Variants in AARD observed in about 807,000 individuals in gnomAD.
The protein encoded by AARD is alanine- and arginine-rich domain-containing protein.
AARD carries 9 observed loss-of-function variants against 9.3 expected under a neutral mutation model. The ratio of observed to expected loss-of-function variants is 0.97; its 90% CI spans 0.58 to 1.69. AARD has a LOEUF of 1.69. AARD is among the 40% of genes most tolerant of loss of function. The pLI, the probability that AARD is intolerant of heterozygous loss-of-function variation, is 0.00. For synonymous variants in AARD, 91 were observed against 93.8 expected (o/e 0.97, Z 0.17); for missense variants, 236 against 210.3 (o/e 1.12, Z -0.76).
At chr8:116,940,511 A>G (rs9918796) in intron 1 of AARD, among the ~76,000 whole-genome samples, 64,489 of 152,004 alleles carry the variant, frequency 0.42, 15,445 homozygotes, top group African/African-American at 0.64. Flanking sequence ...CTGGTCATAA[A>G]GAAGAGGCAA....
rs1686496180 is a variant in AARD at position 116,944,451 on chromosome 8, TA to T, written c.*1755del. 6.6e-6 allele frequency: 1 copy of T among 152,060 alleles called. No homozygotes were observed. The highest frequency in any genetic ancestry group is 1.5e-5 in the Non-Finnish European group (1 of 68,012). The allele number at this position is 152,060 out of a possible 1,614,324, so 9.4% of individuals were successfully genotyped here. On this transcript the variant is annotated 3_prime_UTR_variant, in exon 2 of 2. Transcript: ENST00000378279. ...TGGCCTCGAAAAAATAAATAAATAA[TA>T]AAAATAAAATAAATGCAAGTTGTTT...
At chr8:116,939,354 C>T (rs1181901152) in intron 1 of AARD, among the ~76,000 whole-genome samples, 2 of 152,102 alleles carry the variant, frequency 1.3e-5, no homozygotes, top group African/African-American at 4.8e-5. Context: ...AGTATTAGGC[C>T]GGAGCTGTGG....
At chr8:116,942,365 C>G (rs889615023) in intron 1 of AARD, among the ~76,000 whole-genome samples, 193 bp from the exon 2 acceptor site, 6 of 152,070 alleles carry the variant, frequency 3.9e-5, no homozygotes, top group Non-Finnish European at 2.9e-5. Flanking sequence ...TGGATTTTAC[C>G]TTGTCATATA....
intron 1 of AARD, chr8:116,938,828 G>C: frequency 2.1e-6 from 1 of 485,196 alleles, no homozygotes; most frequent in Non-Finnish European, 3.5e-6. Flanking sequence ...CGTTTCTATA[G>C]TTTTCTGCCC....
At chr8:116,941,763 G>A (rs903155428) in intron 1 of AARD, among the ~76,000 whole-genome samples, 3 of 152,150 alleles carry the variant, frequency 2.0e-5, no homozygotes, top group Middle Eastern at 3.2e-3. Flanking sequence ...GGTTTCTATT[G>A]ACAAGCTGAT....
In AARD at chr8:116,938,496, G is replaced by T; in HGVS notation, c.253G>T (p.Ala85Ser). Residue 85 changes from alanine (A) to serine (S), a missense_variant, in exon 1 of 2, where the codon GCG becomes TCG. Ala to Ser is a moderately conservative substitution (Grantham distance 99, BLOSUM62 1). Coordinates refer to ENST00000378279, the MANE Select transcript of AARD (RefSeq NM_001025357.3). The part of the protein sequence containing the change: ...ISRRVQEAAA[A>S]AAAREEQSWT... ...GAGGCGCGTGCAGGAGGCGGCGGCG[G>T]CGGCGGCGGCGCGGGAGGAGCAGAG... 1 of 1,538,378 alleles carries T rather than the reference G, an allele frequency of 6.5e-7. No homozygotes were observed. The highest frequency in any genetic ancestry group is 1.2e-5 in the South Asian group (1 of 82,504).
At chr8:116,939,720 A>G (rs931684298) in intron 1 of AARD, among the ~76,000 whole-genome samples, 4 of 152,362 alleles carry the variant, frequency 2.6e-5, no homozygotes, top group South Asian at 2.1e-4. Context: ...CAGATTTACT[A>G]TCTTATCCAA....
intron 1 of AARD, 123 bp downstream of exon 1, chr8:116,938,690 C>A: frequency 1.6e-6 from 2 of 1,242,112 alleles, no homozygotes; most frequent in Non-Finnish European, 2.1e-6. Context: ...GGTCTGGACA[C>A]GGCGTTGACG....
intron 1 of AARD, 189 bp downstream of exon 1, chr8:116,938,756 G>C (rs1296724064): frequency 4.8e-6 from 4 of 831,982 alleles, no homozygotes; most frequent in Non-Finnish European, 6.8e-6. Context: ...ACCCATGGTG[G>C]GGGGTGGGGG....
At chr8:116,940,212 G>T (rs1813728751) in intron 1 of AARD, among the ~76,000 whole-genome samples, 1 of 152,192 alleles carries the variant, frequency 6.6e-6, no homozygotes, top group Non-Finnish European at 1.5e-5. Context: ...TAGCCAGTTT[G>T]AGTTTGTTTA....
intron 1 of AARD, among the ~76,000 whole-genome samples, chr8:116,940,172 T>C (rs559894862): frequency 6.6e-6 from 1 of 152,206 alleles, no homozygotes; most frequent in South Asian, 2.1e-4. Context: ...TGCTAACACT[T>C]GTTGGCCTTA....
chr8:116,938,527 C>A lies in AARD; in HGVS notation c.284C>A (p.Thr95Lys). ...AAAAREEQSWTGVEATLARLR... is the reference protein window; with the variant it reads ...AAAAREEQSWKGVEATLARLR... ...GCGGCGCGGGAGGAGCAGAGCTGGACGGGCGTTGAGGCCACCCTGGCCAGG... is the reference window on the plus strand; with the variant it reads ...GCGGCGCGGGAGGAGCAGAGCTGGAAGGGCGTTGAGGCCACCCTGGCCAGG... Residue 95 changes from threonine (T) to lysine (K), a missense_variant, in exon 1 of 2, where the codon ACG becomes AAG. Physicochemically the swap from Thr to Lys is moderately conservative, Grantham distance 78. Coordinates refer to ENST00000378279, the MANE Select transcript of AARD (RefSeq NM_001025357.3). 1.3e-6 allele frequency: 2 copies of A among 1,488,920 alleles called. No individual in the cohort carries two copies. The highest frequency in any genetic ancestry group is 1.8e-6 in the Non-Finnish European group (2 of 1,128,636). The allele number at this position is 1,488,920 out of a possible 1,614,324, so 92.2% of individuals were successfully genotyped here.
At chr8:116,940,813 GA>G (rs1233017658) in intron 1 of AARD, among the ~76,000 whole-genome samples, 2 of 152,080 alleles carry the variant, frequency 1.3e-5, no homozygotes, top group African/African-American at 4.8e-5. Flanking sequence ...ATTGTATGCA[GA>G]ATTTTTGATG....
chr8:116,938,344 G>A lies in AARD; in HGVS notation c.101G>A (p.Cys34Tyr). ...AELWFPPRPA[C>Y]DFFGDGRSTD... is the part of the protein sequence containing the mutation. ...CTTTGGTTCCCACCTCGTCCCGCGT[G>A]CGACTTCTTCGGGGACGGCAGGAGC... The change falls in exon 1 of 2, where the codon TGC becomes TAC. Residue 34 changes from cysteine (C) to tyrosine (Y), a missense_variant. Cys to Tyr is a radical substitution (Grantham distance 194). Transcript: ENST00000378279. The A allele has an allele frequency of 6.2e-7, 1 of 1,613,044 alleles. No individual in the cohort carries two copies. The highest frequency in any genetic ancestry group is 2.2e-5 in the East Asian group (1 of 44,838).
intron 1 of AARD, among the ~76,000 whole-genome samples, chr8:116,939,308 T>G (rs1352959040): frequency 6.6e-6 from 1 of 152,236 alleles, no homozygotes; most frequent in Non-Finnish European, 1.5e-5. Flanking sequence ...TTGTCTTATT[T>G]AAGAATGTTA....
At position 116,943,737 on chromosome 8, in the gene AARD, G is replaced by T. The variant is rs573168905; in HGVS notation, c.*1036G>T. The T allele has an allele frequency of 2.0e-5, 3 of 152,160 alleles. No individual in the cohort carries two copies. The highest frequency in any genetic ancestry group is 4.4e-5 in the Non-Finnish European group (3 of 68,010). The allele number at this position is 152,160 out of a possible 1,614,324, so 9.4% of individuals were successfully genotyped here. ...GGGTGCTTCGCTTCCTTGTTCCTGG[G>T]GTCAAGCTGTATAAGACTCCAGGCC... On this transcript the variant is annotated 3_prime_UTR_variant, in exon 2 of 2. Transcript: ENST00000378279.
At position 116,942,723 on chromosome 8, in the gene AARD, G is replaced by C. The variant is rs1230658302; in HGVS notation, c.*22G>C. The C allele has an allele frequency of 6.2e-7, 1 of 1,607,570 alleles. No individual in the cohort carries two copies. Among genetic ancestry groups the C allele is most frequent in the African/African-American group, 1.3e-5 (1 of 74,864 alleles). ...ATAAAGAAATGCACACGCAAGGGCTGGGCGCGGTGGCTCACGCCTGTAATC... is the reference window on the plus strand; with the variant it reads ...ATAAAGAAATGCACACGCAAGGGCTCGGCGCGGTGGCTCACGCCTGTAATC... On this transcript the variant is annotated 3_prime_UTR_variant, in exon 2 of 2. Coordinates refer to ENST00000378279, the MANE Select transcript of AARD (RefSeq NM_001025357.3).
In AARD at chr8:116,938,405, G is replaced by A. The variant is rs1813698537; in HGVS notation, c.162G>A (p.Pro54=). ...AGGAGGAGGCCCTCGCCGCCAGCCC[G>A]CTGCTGGAGGACCTCAGACGACGGC... ...DIQEEALAAS[P]LLEDLRRRLT... is the part of the protein sequence containing the mutation. The change falls in exon 1 of 2, where the codon CCG becomes CCA. Residue 54 remains proline (P), a synonymous_variant. Coordinates refer to ENST00000378279, the MANE Select transcript of AARD (RefSeq NM_001025357.3). The A allele has an allele frequency of 5.0e-6, 8 of 1,611,970 alleles. No homozygotes were observed. The highest frequency in any genetic ancestry group is 5.9e-6 in the Non-Finnish European group (7 of 1,179,654).
chr8:116,944,010 A>G lies in AARD; in HGVS notation c.*1309A>G, dbSNP rs946109495. The G allele has an allele frequency of 5.3e-5, 8 of 152,370 alleles. No homozygotes were observed. The highest frequency in any genetic ancestry group is 1.9e-4 in the African/African-American group (8 of 41,590). 9.4% of individuals were successfully genotyped at this position (152,370 alleles called of 1,614,324 possible). ...ATAGTTGCAGATCTAAGTGATATTT[A>G]TAATGGTTATTGTCTGCAAAATACA... On this transcript the variant is annotated 3_prime_UTR_variant, in exon 2 of 2. Transcript: ENST00000378279.
Sources: allele counts gnomAD v4.1 joint callset (sites outside exome capture counted in the v4.1 genomes callset), GRCh38; gene constraint gnomAD v4.1.1; transcripts MANE v1.5; gene names NCBI Gene and HGNC (gene_info 2026-07-23, HGNC 2026-07-21).